The following NEGR1 variants were observed in gnomAD, a reference collection of about 807,000 sequenced individuals.
The protein encoded by NEGR1 is IgLON family member 4.
NEGR1 carries 10 observed loss-of-function variants against 40.9 expected under a neutral mutation model. The observed-to-expected ratio is 0.24, with a 90% CI of 0.15 to 0.42. The LOEUF is 0.42. NEGR1 is among the 10% of genes least tolerant of loss of function. The pLI is 1.00. For synonymous variants in NEGR1, 185 were observed against 166.8 expected (o/e 1.11, Z -0.84); for missense variants, 352 against 438.9 (o/e 0.80, Z 1.77).
At chr1:71,447,087 G>A (rs1004696852) in intron 6 of NEGR1, among the ~76,000 whole-genome samples, 23 of 152,200 alleles carry the variant, frequency 1.5e-4, no homozygotes, top group African/African-American at 5.3e-4. Context: ...ACAGCAGGAG[G>A]TGAGCAGCAG....
chr1:71,898,491 T>G (rs2101859292), intron 2 of NEGR1, among the ~76,000 whole-genome samples: 1 of 152,212 alleles, frequency 6.6e-6, no homozygotes. Context: ...GGCGGATGCC[T>G]GTAGTCCCAG....
intron 3 of NEGR1, among the ~76,000 whole-genome samples, chr1:71,741,967 T>C (rs550002402): frequency 2.0e-4 from 30 of 152,232 alleles, no homozygotes; most frequent in Non-Finnish European, 3.7e-4. Context: ...CCCACTCCCA[T>C]ATTCCAATCA....
intron 1 of NEGR1, among the ~76,000 whole-genome samples, chr1:72,010,878 C>G (rs1039552593): frequency 6.6e-6 from 1 of 152,062 alleles, no homozygotes; most frequent in Admixed American, 6.6e-5. Context: ...ATACACAGGA[C>G]AATTCATGAC....
chr1:72,069,458 A>G (rs1009708381), intron 1 of NEGR1, among the ~76,000 whole-genome samples: 2 of 151,984 alleles, frequency 1.3e-5, no homozygotes, highest in Non-Finnish European at 2.9e-5. Flanking sequence ...AAAAGTATGT[A>G]AACTATTTAC....
intron 6 of NEGR1, among the ~76,000 whole-genome samples, chr1:71,419,143 C>G (rs574488649): frequency 6.6e-6 from 1 of 152,136 alleles, no homozygotes; most frequent in African/African-American, 2.4e-5. Flanking sequence ...TTCCCTTCTT[C>G]CCTATTTTAT....
At chr1:72,244,457 G>A (rs1654841639) in intron 1 of NEGR1, among the ~76,000 whole-genome samples, 1 of 151,860 alleles carries the variant, frequency 6.6e-6, no homozygotes, top group African/African-American at 2.4e-5. Context: ...ATATATGTAA[G>A]TGTATGCAAA....
chr1:71,593,183 T>C (rs575725608), intron 5 of NEGR1, among the ~76,000 whole-genome samples: 1 of 152,314 alleles, frequency 6.6e-6, no homozygotes, highest in Non-Finnish European at 1.5e-5. Flanking sequence ...TGTGGGATTA[T>C]TTGTGCTATA....
chr1:71,415,590 A>G, intron 6 of NEGR1, among the ~76,000 whole-genome samples: 1 of 152,150 alleles, frequency 6.6e-6, no homozygotes, highest in East Asian at 1.9e-4. Flanking sequence ...ATTTGAGGTA[A>G]GGAGAATAAG....
chr1:71,476,241 C>G (rs1557539409), intron 6 of NEGR1, among the ~76,000 whole-genome samples: 2 of 151,986 alleles, frequency 1.3e-5, no homozygotes. Flanking sequence ...ATTTGAAGAC[C>G]CCACTGAAGC....
rs142860377 is a variant in NEGR1, at chr1:72,051,685, A to G, written c.177-116374T>C. On this transcript the variant is annotated intron_variant, in intron 1 of 6. Coordinates refer to ENST00000357731, the MANE Select transcript of NEGR1 (RefSeq NM_173808.3). ...AGACGGAGCACCTGTGAGGATTGGC[A>G]GCATAGTTTTGCTGCTTTGGTGAAG... Among the ~76,000 whole-genome samples the G allele has an allele frequency of 2.0e-3, 308 of 151,532 alleles. 1 individual carries two copies. The highest frequency in any genetic ancestry group is 6.9e-3 in the African/African-American group (286 of 41,452).
At chr1:71,526,815 T>A (rs1647222289) in intron 6 of NEGR1, among the ~76,000 whole-genome samples, 1 of 151,556 alleles carries the variant, frequency 6.6e-6, no homozygotes, top group Non-Finnish European at 1.5e-5. Flanking sequence ...TGCCTACGGG[T>A]AAGTAGATCA....
At chr1:72,010,708 A>G (rs1436538507) in intron 1 of NEGR1, among the ~76,000 whole-genome samples, 4 of 151,800 alleles carry the variant, frequency 2.6e-5, no homozygotes, top group Non-Finnish European at 5.9e-5. Flanking sequence ...GGGAAACTTG[A>G]CTTTGGCTAC....
intron 2 of NEGR1, among the ~76,000 whole-genome samples, chr1:71,819,884 A>G (rs1050837311): frequency 4.6e-5 from 7 of 152,028 alleles, no homozygotes; most frequent in Non-Finnish European, 7.4e-5. Flanking sequence ...CGGAAGCCAG[A>G]AGACACCAAG....
At chr1:72,010,639 C>T (rs1422006085) in intron 1 of NEGR1, among the ~76,000 whole-genome samples, 2 of 151,976 alleles carry the variant, frequency 1.3e-5, no homozygotes, top group South Asian at 4.2e-4. Context: ...CTCCCACCCC[C>T]TCCAGGACTG....
chr1:71,619,876 G>T (rs1356867834), intron 4 of NEGR1, among the ~76,000 whole-genome samples: 1 of 152,042 alleles, frequency 6.6e-6, no homozygotes, highest in Non-Finnish European at 1.5e-5. Context: ...CACCCAACAA[G>T]CCTAATCAAG....
At chr1:71,964,818 T>A (rs937009447) in intron 1 of NEGR1, among the ~76,000 whole-genome samples, 1 of 112,008 alleles carries the variant, frequency 8.9e-6, no homozygotes, top group Middle Eastern at 5.2e-3. Context: ...TTATATATAA[T>A]CACATTAAAA....
At chr1:71,533,054 T>G (rs1295553364) in intron 6 of NEGR1, among the ~76,000 whole-genome samples, 1 of 151,576 alleles carries the variant, frequency 6.6e-6, no homozygotes, top group Non-Finnish European at 1.5e-5. Flanking sequence ...TGGACACAAT[T>G]GACCAAAATC....
chr1:71,788,043 C>A lies in NEGR1; in HGVS notation c.410-11746G>T, dbSNP rs572154895. ...AAAACATTCTGAGAATGGGTTTCATCCAGAAACTTAATGATAAAACCATGA... is the reference window on the plus strand; with the variant it reads ...AAAACATTCTGAGAATGGGTTTCATACAGAAACTTAATGATAAAACCATGA... On this transcript the variant is annotated intron_variant, in intron 2 of 6. Transcript: ENST00000357731. Among the ~76,000 whole-genome samples, 11 of 152,202 alleles carry A rather than the reference C, an allele frequency of 7.2e-5. No individual in the cohort carries two copies. In the South Asian group the frequency reaches 2.1e-3, roughly 29 times the overall value.
intron 3 of NEGR1, among the ~76,000 whole-genome samples, chr1:71,729,181 C>T (rs1456598979): frequency 6.6e-6 from 1 of 152,076 alleles, no homozygotes; most frequent in Admixed American, 6.6e-5. Flanking sequence ...GCTGCCTCTG[C>T]CTGACATGCT....
Sources: gnomAD v4.1 joint callset for allele counts (sites outside exome capture counted in the v4.1 genomes callset) on GRCh38, gnomAD v4.1.1 for gene constraint, MANE v1.5 for transcripts, NCBI Gene and HGNC (gene_info 2026-07-23, HGNC 2026-07-21) for gene names.